CNTN5: variants seen among roughly 807,000 people sequenced by gnomAD.
CNTN5 encodes contactin-5.
CNTN5 carries 77 observed loss-of-function variants against 129.1 expected under a neutral mutation model. The observed-to-expected ratio is 0.60, with a 90% CI of 0.50 to 0.72. The LOEUF is 0.72. CNTN5 is among the 30% of genes least tolerant of loss of function. The pLI is 0.00. For synonymous variants in CNTN5, 509 were observed against 465.6 expected (o/e 1.09, Z -1.20); for missense variants, 1,478 against 1,328.8 (o/e 1.11, Z -1.75).
chr11:99,633,472 T>C (rs1178283228), intron 3 of CNTN5, among the ~76,000 whole-genome samples: 1 of 152,172 alleles, frequency 6.6e-6, no homozygotes. Context: ...GATATTGCGA[T>C]ACATATTTAT....
At chr11:99,024,801 A>T (rs997170265) in intron 1 of CNTN5, among the ~76,000 whole-genome samples, 2 of 108,402 alleles carry the variant, frequency 1.8e-5, no homozygotes. Context: ...GGAAATAAAA[A>T]AAAGAATCTC....
intron 3 of CNTN5, among the ~76,000 whole-genome samples, chr11:99,811,544 A>G (rs1946429232): frequency 6.6e-6 from 1 of 150,652 alleles, no homozygotes; most frequent in Non-Finnish European, 1.5e-5. Context: ...TGGCAATGTT[A>G]TGATCTCTAA....
At chr11:99,503,592 T>A (rs757493116) in intron 2 of CNTN5, among the ~76,000 whole-genome samples, 4 of 152,200 alleles carry the variant, frequency 2.6e-5, no homozygotes, top group Non-Finnish European at 5.9e-5. Flanking sequence ...ACTTGATTGT[T>A]AATATATCTT....
chr11:99,377,158 G>A (rs1260604424), intron 2 of CNTN5, among the ~76,000 whole-genome samples: 2 of 151,992 alleles, frequency 1.3e-5, no homozygotes, highest in Non-Finnish European at 2.9e-5. Context: ...GGTCTAGGAG[G>A]TGTGAGGAAT....
intron 3 of CNTN5, among the ~76,000 whole-genome samples, chr11:99,700,435 T>C (rs34496537): frequency 0.042 from 6,394 of 151,426 alleles, 138 homozygotes; most frequent in East Asian, 0.068. Context: ...ATGCAGAATA[T>C]TTAGGAAATT....
intron 4 of CNTN5, among the ~76,000 whole-genome samples, chr11:99,831,536 T>C (rs1383689544): frequency 6.6e-6 from 1 of 152,138 alleles, no homozygotes; most frequent in Non-Finnish European, 1.5e-5. Flanking sequence ...CTGAGCATAC[T>C]TTTCAGATGT....
At chr11:99,470,395 A>G (rs911125587) in intron 2 of CNTN5, among the ~76,000 whole-genome samples, 2 of 152,270 alleles carry the variant, frequency 1.3e-5, no homozygotes, top group African/African-American at 4.8e-5. Context: ...TTTTCTTTCC[A>G]AAGTGATTAT....
At chr11:100,015,467 A>G (rs1449470858) in intron 9 of CNTN5, among the ~76,000 whole-genome samples, 1 of 152,164 alleles carries the variant, frequency 6.6e-6, no homozygotes, top group Non-Finnish European at 1.5e-5. Context: ...AGGACTAATT[A>G]AAAATCTGGT....
intron 3 of CNTN5, among the ~76,000 whole-genome samples, chr11:99,656,331 A>G (rs1282864879): frequency 1.4e-4 from 21 of 152,110 alleles, no homozygotes; most frequent in Non-Finnish European, 1.5e-5. Context: ...AGATAGCTAG[A>G]CCTTTCATAT....
Position 99,773,036 on chromosome 11 carries a change from TA to T in CNTN5, c.56-46506del, listed in dbSNP as rs150759091. Among the ~76,000 whole-genome samples, 726 of 152,188 alleles carry T rather than the reference TA, an allele frequency of 4.8e-3. 9 individuals carry two copies. Among genetic ancestry groups the T allele is most frequent in the African/African-American group, 0.014 (585 of 41,534 alleles). On this transcript the variant is annotated intron_variant, in intron 3 of 24. Coordinates refer to ENST00000524871, the MANE Select transcript of CNTN5 (RefSeq NM_014361.4). The stretch of plus-strand genomic sequence containing the variant: ...ATTATGCACAGGTGGTAAATTGCCA[TA>T]AGTGAACATAACTGTGGAACCAACA...
At chr11:99,339,699 G>T (rs546013242) in intron 2 of CNTN5, among the ~76,000 whole-genome samples, 149 of 151,952 alleles carry the variant, frequency 9.8e-4, no homozygotes, top group African/African-American at 3.6e-3. Context: ...GGAGAATGGC[G>T]TGAACCCAGG....
intron 3 of CNTN5, among the ~76,000 whole-genome samples, chr11:99,772,118 A>T (rs984354082): frequency 6.6e-6 from 1 of 151,442 alleles, no homozygotes; most frequent in Non-Finnish European, 1.5e-5. Context: ...GAAGAATCAC[A>T]TTGGACATTG....
At chr11:99,636,372 C>CGT (rs1225080923) in intron 3 of CNTN5, among the ~76,000 whole-genome samples, 17 of 113,928 alleles carry the variant, frequency 1.5e-4, no homozygotes, top group Admixed American at 3.7e-4. Context: ...CAAATGAGTT[C>CGT]TTTTTTTTTT....
intron 13 of CNTN5, among the ~76,000 whole-genome samples, chr11:100,121,276 G>A (rs1196365155): frequency 6.6e-6 from 1 of 152,038 alleles, no homozygotes; most frequent in African/African-American, 2.4e-5. Context: ...AAATGGTCTA[G>A]GACCAAGACT....
intron 8 of CNTN5, among the ~76,000 whole-genome samples, chr11:99,988,756 C>A (rs1406991159): frequency 6.6e-6 from 1 of 152,044 alleles, no homozygotes; most frequent in African/African-American, 2.4e-5. Flanking sequence ...TGTGGCTGAG[C>A]TATTACATGT....
chr11:100,140,130 T>G (rs976694539), intron 13 of CNTN5, among the ~76,000 whole-genome samples: 1 of 152,006 alleles, frequency 6.6e-6, no homozygotes, highest in African/African-American at 2.4e-5. Context: ...CCAAAAGAAG[T>G]TGGTGTGAAA....
At chr11:99,203,600 G>A in intron 1 of CNTN5, among the ~76,000 whole-genome samples, 1 of 151,616 alleles carries the variant, frequency 6.6e-6, no homozygotes, top group East Asian at 1.9e-4. Context: ...TGGGTGGGGG[G>A]TGGTGGTGGG....
chr11:99,426,477 A>C (rs529413565), intron 2 of CNTN5, among the ~76,000 whole-genome samples: 139 of 152,302 alleles, frequency 9.1e-4, no homozygotes, highest in Middle Eastern at 6.8e-3. Context: ...AAATCTATTA[A>C]ATTTTAATCA....
At chr11:99,634,329 G>A (rs1044766020) in intron 3 of CNTN5, among the ~76,000 whole-genome samples, 2 of 152,134 alleles carry the variant, frequency 1.3e-5, no homozygotes, top group African/African-American at 4.8e-5. Flanking sequence ...GAAATACAGT[G>A]TTCACCAGTG....
Sources: gnomAD v4.1 joint callset for allele counts (sites outside exome capture counted in the v4.1 genomes callset) on GRCh38, gnomAD v4.1.1 for gene constraint, MANE v1.5 for transcripts, NCBI Gene and HGNC (gene_info 2026-07-23, HGNC 2026-07-21) for gene names.